The following SYT9 variants were observed in gnomAD, a reference collection of about 807,000 sequenced individuals.
SYT9 encodes the protein synaptotagmin-9.
In SYT9, 22 loss-of-function variants were observed where a neutral mutation model predicts 48.4. That is an observed-to-expected ratio of 0.45 (90% CI 0.32 to 0.65). SYT9 has a LOEUF of 0.65. Ranked by LOEUF, SYT9 falls within the 30% of genes least tolerant of loss-of-function variation. The pLI is 0.03. For missense variants in SYT9, 577 were observed against 622.0 expected (o/e 0.93, Z 0.77); for synonymous variants, 265 against 245.0 (o/e 1.08, Z -0.76).
At chr11:7,453,673 G>C (rs1296951189) in intron 6 of SYT9, among the ~76,000 whole-genome samples, 1 of 152,216 alleles carries the variant, frequency 6.6e-6, no homozygotes, top group Non-Finnish European at 1.5e-5. Flanking sequence ...CTGAGAAAAT[G>C]ACACTTTCCC....
At position 7,329,884 on chromosome 11, in the gene SYT9, C is replaced by G. The variant is rs972344707; in HGVS notation, c.1044+15943C>G. On this transcript the variant is annotated intron_variant, in intron 3 of 6. Transcript: ENST00000318881. The stretch of plus-strand genomic sequence containing the variant: ...ACAAAAGGGAGGACAGGGAAGAAAG[C>G]TGAGAAAGCATGCCAGCTCTGTTGG... Among the ~76,000 whole-genome samples, 7 of 152,240 alleles carry G rather than the reference C, an allele frequency of 4.6e-5. No individual in the cohort carries two copies. The South Asian group carries it at 6.2e-4, about 14-fold the overall frequency.
intron 1 of SYT9, among the ~76,000 whole-genome samples, chr11:7,272,107 T>A (rs1052362561): frequency 1.3e-5 from 2 of 152,208 alleles, no homozygotes; most frequent in African/African-American, 4.8e-5. Flanking sequence ...ACTTAATAGT[T>A]GTATAATCTG....
chr11:7,336,666 T>C (rs566242851), intron 3 of SYT9, among the ~76,000 whole-genome samples: 3 of 152,312 alleles, frequency 2.0e-5, no homozygotes, highest in Admixed American at 6.5e-5. Context: ...TGTGGCCTTA[T>C]TTCTGGGCTC....
intron 3 of SYT9, among the ~76,000 whole-genome samples, chr11:7,357,393 AG>A: frequency 6.6e-6 from 1 of 152,090 alleles, no homozygotes; most frequent in African/African-American, 2.4e-5. Context: ...ATACAAATAA[AG>A]CATAAGACAA....
intron 1 of SYT9, among the ~76,000 whole-genome samples, chr11:7,274,646 TTTAG>T (rs1462288243): frequency 6.6e-6 from 1 of 152,096 alleles, no homozygotes; most frequent in Non-Finnish European, 1.5e-5. Flanking sequence ...TGTTAGTTTA[TTTAG>T]TTAGTTTCTT....
chr11:7,283,766 A>G (rs1487881), intron 1 of SYT9, among the ~76,000 whole-genome samples: 5,336 of 152,190 alleles, frequency 0.035, 321 homozygotes, highest in African/African-American at 0.12. Context: ...AATTTGTAGT[A>G]ATCATGGGTT....
chr11:7,361,086 C>A (rs188079043), intron 3 of SYT9, among the ~76,000 whole-genome samples: 2 of 151,826 alleles, frequency 1.3e-5, no homozygotes, highest in African/African-American at 4.8e-5. Flanking sequence ...TTTCTTGATT[C>A]TTTTTATCAA....
chr11:7,457,230 G>A (rs773939991), intron 6 of SYT9: 3 of 152,214 alleles, frequency 2.0e-5, no homozygotes, highest in Non-Finnish European at 4.4e-5. Flanking sequence ...GATCCAGCCT[G>A]TCTTTTTAGC....
At chr11:7,459,570 A>G (rs1474137857) in intron 6 of SYT9, among the ~76,000 whole-genome samples, 3 of 152,228 alleles carry the variant, frequency 2.0e-5, no homozygotes, top group East Asian at 1.9e-4. Flanking sequence ...GGGTTTACCA[A>G]TGTGCTGGAT....
chr11:7,266,429 A>G (rs961689540), intron 1 of SYT9, among the ~76,000 whole-genome samples: 5 of 152,036 alleles, frequency 3.3e-5, no homozygotes, highest in African/African-American at 9.7e-5. Context: ...TGCCTTTGGT[A>G]GGAACATTCA....
intron 3 of SYT9, among the ~76,000 whole-genome samples, chr11:7,404,863 A>G (rs928940832): frequency 6.6e-6 from 1 of 152,212 alleles, no homozygotes. Flanking sequence ...TACAGTGATC[A>G]AAGGCCACTA....
chr11:7,385,866 C>T (rs1468230493), intron 3 of SYT9, among the ~76,000 whole-genome samples: 2 of 152,126 alleles, frequency 1.3e-5, no homozygotes, highest in East Asian at 3.9e-4. Context: ...TTTGGTTATT[C>T]TTGGCACTTT....
intron 1 of SYT9, among the ~76,000 whole-genome samples, chr11:7,244,537 A>G (rs927265886): frequency 2.0e-5 from 3 of 152,206 alleles, no homozygotes; most frequent in Admixed American, 6.5e-5. Flanking sequence ...TAAATTATGT[A>G]TACTTCAGGG....
At chr11:7,434,151 A>C (rs552543860) in intron 6 of SYT9, among the ~76,000 whole-genome samples, 4 of 152,310 alleles carry the variant, frequency 2.6e-5, no homozygotes, top group East Asian at 1.9e-4. Context: ...ATTCAAACAC[A>C]ATCTGTAAAG....
chr11:7,280,808 A>T (rs1848480681), intron 1 of SYT9, among the ~76,000 whole-genome samples: 1 of 151,844 alleles, frequency 6.6e-6, no homozygotes, highest in Non-Finnish European at 1.5e-5. Context: ...GAGAAGAAGA[A>T]GATACTAGAG....
At chr11:7,274,310 A>G (rs1236794670) in intron 1 of SYT9, among the ~76,000 whole-genome samples, 2 of 145,164 alleles carry the variant, frequency 1.4e-5, no homozygotes, top group Admixed American at 7.3e-5. Context: ...ATCTGTGTGA[A>G]GTTCATCTTT....
chr11:7,283,979 C>A (rs1037360442), intron 1 of SYT9, among the ~76,000 whole-genome samples: 6 of 152,142 alleles, frequency 3.9e-5, no homozygotes, highest in African/African-American at 1.4e-4. Context: ...CTGTTCCTTG[C>A]ATCTAAAGTC....
At chr11:7,436,620 T>C (rs1050174472) in intron 6 of SYT9, among the ~76,000 whole-genome samples, 1 of 152,148 alleles carries the variant, frequency 6.6e-6, no homozygotes, top group Admixed American at 6.5e-5. Flanking sequence ...CAGTTGGTTT[T>C]TTTGTTTGTT....
intron 6 of SYT9, among the ~76,000 whole-genome samples, chr11:7,459,788 G>A (rs568151401): frequency 1.3e-5 from 2 of 152,298 alleles, no homozygotes; most frequent in Admixed American, 1.3e-4. Flanking sequence ...ACTGCCATGT[G>A]ACAATGGAGG....
Sources: gnomAD v4.1 joint callset for allele counts (sites outside exome capture counted in the v4.1 genomes callset) on GRCh38, gnomAD v4.1.1 for gene constraint, MANE v1.5 for transcripts, NCBI Gene and HGNC (gene_info 2026-07-23, HGNC 2026-07-21) for gene names.